Variants in TMEM144 observed in about 807,000 individuals in gnomAD.
The protein encoded by TMEM144 is transmembrane protein 144.
A neutral mutation model predicts 43.6 loss-of-function variants in TMEM144; 39 were observed. The ratio of observed to expected loss-of-function variants is 0.90; its 90% confidence interval spans 0.69 to 1.17. The LOEUF is 1.17. Among genes scored for constraint, TMEM144 ranks in the 50% most tolerant of loss-of-function variants. TMEM144 has a pLI of 0.00. For missense variants in TMEM144, 417 were observed against 411.9 expected (o/e 1.01, Z -0.11); for synonymous variants, 154 against 133.6 (o/e 1.15, Z -1.06).
chr4:158,224,097 C>T (rs188178299), intron 6 of TMEM144, among the ~76,000 whole-genome samples: 25 of 152,136 alleles, frequency 1.6e-4, no homozygotes, highest in Middle Eastern at 3.4e-3. Flanking sequence ...TTTTAATAAT[C>T]GCCATTCTGA....
chr4:158,226,336 C>A (rs1162064145), intron 6 of TMEM144, among the ~76,000 whole-genome samples: 5 of 151,996 alleles, frequency 3.3e-5, no homozygotes, highest in Non-Finnish European at 5.9e-5. Flanking sequence ...TCTTTTTAAT[C>A]TTTTATAATT....
intron 11 of TMEM144, 71 bp downstream of exon 11, chr4:158,241,677 A>G: frequency 1.7e-6 from 2 of 1,211,058 alleles, no homozygotes; most frequent in Non-Finnish European, 2.4e-6. Flanking sequence ...AAGCACTCTT[A>G]GGGCATCGCT....
rs747897517 is a variant in TMEM144 at position 158,237,545 on chromosome 4, T to C, written c.584T>C (p.Ile195Thr). ...GTAAGGGGCTGCAGTCTTGCAGTGA[T>C]ATCTGGAGTACTCTATGGATCTACA... ...HRIVGCSLAV[I>T]SGVLYGSTFV... Residue 195 changes from isoleucine to threonine, a missense_variant, in exon 9 of 13, where the codon ATA becomes ACA. Physicochemically the swap from Ile to Thr is moderately conservative, Grantham distance 89 (BLOSUM62 -1). Coordinates refer to ENST00000296529, the MANE Select transcript of TMEM144 (RefSeq NM_018342.5). 1.1e-5 allele frequency: 18 copies of C among 1,613,416 alleles called. No individual in the cohort carries two copies. The highest frequency in any genetic ancestry group is 1.4e-5 in the Non-Finnish European group (17 of 1,179,598).
At chr4:158,245,325 T>C (rs1735840497) in intron 12 of TMEM144, among the ~76,000 whole-genome samples, 2 of 150,960 alleles carry the variant, frequency 1.3e-5, no homozygotes, top group African/African-American at 4.9e-5. Flanking sequence ...TATTCCCAGC[T>C]ACTCAGGAGG....
In TMEM144 at chr4:158,240,396, A is replaced by G. The variant is rs764950050; in HGVS notation, c.780A>G (p.Leu260=). The G allele has an allele frequency of 6.2e-7, 1 of 1,612,964 alleles. No homozygotes were observed. Among genetic ancestry groups the G allele is most frequent in the South Asian group, 1.1e-5 (1 of 90,820 alleles). Residue 260 remains leucine, a synonymous_variant, in exon 10 of 13, where the codon CTA becomes CTG. Coordinates refer to ENST00000296529, the MANE Select transcript of TMEM144 (RefSeq NM_018342.5). ...TAGCCATGAAAAATAGTCCTAAACTATATCCTGAAGCAGTCCTACCAGGTA... is the reference window on the plus strand; with the variant it reads ...TAGCCATGAAAAATAGTCCTAAACTGTATCCTGAAGCAGTCCTACCAGGTA... ...YCIAMKNSPK[L]YPEAVLPGFL... is the part of the protein sequence containing the mutation.
intron 8 of TMEM144, 106 bp from the exon 9 acceptor site, chr4:158,237,419 G>A: frequency 1.2e-6 from 1 of 829,740 alleles, no homozygotes; most frequent in Non-Finnish European, 1.9e-6. Context: ...GATGGTTTTT[G>A]CTTGTTTGTG....
intron 8 of TMEM144, 68 bp from the exon 9 acceptor site, chr4:158,237,457 T>A: frequency 8.2e-7 from 1 of 1,221,866 alleles, no homozygotes; most frequent in East Asian, 2.4e-5. Context: ...TGTTTATGAT[T>A]CCATTTGTGC....
At chr4:158,244,580 G>A (rs1485897422) in intron 12 of TMEM144, among the ~76,000 whole-genome samples, 1 of 152,122 alleles carries the variant, frequency 6.6e-6, no homozygotes, top group Non-Finnish European at 1.5e-5. Flanking sequence ...CTGAGGCAGA[G>A]AATTGCTTGA....
intron 6 of TMEM144, among the ~76,000 whole-genome samples, chr4:158,225,969 G>T (rs1396860091): frequency 2.0e-5 from 3 of 152,230 alleles, no homozygotes; most frequent in African/African-American, 4.8e-5. Context: ...GAGCTACCAT[G>T]CAGCCTATGC....
chr4:158,239,974 C>T (rs1735546098), intron 9 of TMEM144, among the ~76,000 whole-genome samples: 1 of 151,798 alleles, frequency 6.6e-6, no homozygotes, highest in Non-Finnish European at 1.5e-5. Flanking sequence ...CAAGCTCCGC[C>T]TCCCAGGTTC....
intron 9 of TMEM144, among the ~76,000 whole-genome samples, 163 bp from the exon 10 acceptor site, chr4:158,240,136 C>T (rs1430169052): frequency 2.0e-5 from 3 of 152,184 alleles, no homozygotes; most frequent in East Asian, 1.9e-4. Flanking sequence ...CCACCCGGCT[C>T]GGCCTCCCAA....
At chr4:158,221,407 C>T (rs1231165267) in intron 6 of TMEM144, among the ~76,000 whole-genome samples, 2 of 152,150 alleles carry the variant, frequency 1.3e-5, no homozygotes, top group African/African-American at 4.8e-5. Context: ...CCTGGCAGAA[C>T]CTAGCTGCCA....
chr4:158,253,221 G>A (rs1186819854), intron 12 of TMEM144, among the ~76,000 whole-genome samples: 1 of 152,142 alleles, frequency 6.6e-6, no homozygotes, highest in Non-Finnish European at 1.5e-5. Context: ...TTGCATAAAG[G>A]TACATGTTGA....
chr4:158,233,411 C>A (rs1355350794), intron 7 of TMEM144: 1 of 152,494 alleles, frequency 6.6e-6, no homozygotes, highest in African/African-American at 2.4e-5. Context: ...GAACTGGTAT[C>A]CCATTCTACC....
At chr4:158,219,446 T>C in intron 6 of TMEM144, 56 bp downstream of exon 6, 5 of 1,483,130 alleles carry the variant, frequency 3.4e-6, no homozygotes, top group South Asian at 2.3e-5. Context: ...GAGTGCTTTT[T>C]TAAGGATCCT....
At chr4:158,233,062 T>A in intron 7 of TMEM144, 80 bp downstream of exon 7, 5 of 1,120,916 alleles carry the variant, frequency 4.5e-6, no homozygotes, top group Middle Eastern at 2.0e-4. Flanking sequence ...TAAACACAGA[T>A]GAAAAAGTGG....
intron 7 of TMEM144, chr4:158,234,782 A>C (rs1405033176): frequency 6.6e-6 from 1 of 152,324 alleles, no homozygotes; most frequent in South Asian, 2.1e-4. Context: ...GAGATGGAGA[A>C]GGACGATGCA....
chr4:158,220,079 A>T (rs1229934805), intron 6 of TMEM144, among the ~76,000 whole-genome samples: 1 of 152,226 alleles, frequency 6.6e-6, no homozygotes, highest in Non-Finnish European at 1.5e-5. Flanking sequence ...AGTTCTTCAC[A>T]TAATGGATAG....
At chr4:158,214,195 C>A (rs1734104819) in intron 3 of TMEM144, among the ~76,000 whole-genome samples, 1 of 152,054 alleles carries the variant, frequency 6.6e-6, no homozygotes, top group South Asian at 2.1e-4. Context: ...CACTACCACA[C>A]CCGGCTAATT....
Sources: gnomAD v4.1 joint callset for allele counts (sites outside exome capture counted in the v4.1 genomes callset) on GRCh38, gnomAD v4.1.1 for gene constraint, MANE v1.5 for transcripts, NCBI Gene and HGNC (gene_info 2026-07-23, HGNC 2026-07-21) for gene names.